The following CMSS1 variants were observed in gnomAD, a reference collection of about 807,000 sequenced individuals.
The protein encoded by CMSS1 is cms1 ribosomal small subunit homolog, also known as protein CMSS1.
CMSS1 carries 33 observed loss-of-function variants against 43.5 expected under a neutral mutation model. That is an observed-to-expected ratio of 0.76 (90% confidence interval 0.57 to 1.01). CMSS1 has a LOEUF of 1.01. CMSS1 is among the 50% of genes least tolerant of loss of function. The probability of loss-of-function intolerance (pLI) is 0.00; values close to 1 mark genes in which losing one functional copy is unlikely to be tolerated. For missense variants in CMSS1, 313 were observed against 326.4 expected (o/e 0.96, Z 0.32); for synonymous variants, 115 against 117.2 (o/e 0.98, Z 0.12).
intron 1 of CMSS1, among the ~76,000 whole-genome samples, chr3:100,038,045 C>T (rs2065140989): frequency 6.6e-6 from 1 of 151,048 alleles, no homozygotes; most frequent in Non-Finnish European, 1.5e-5. Context: ...ACCTCTGCCT[C>T]CTGGGTTCAA....
At chr3:100,069,533 C>G (rs1442529938) in intron 1 of CMSS1, among the ~76,000 whole-genome samples, 1 of 152,144 alleles carries the variant, frequency 6.6e-6, no homozygotes, top group East Asian at 1.9e-4. Context: ...ATTTCTGATA[C>G]GGCAGCCAAT....
At chr3:99,825,142 C>T (rs1485790346) in intron 1 of CMSS1, among the ~76,000 whole-genome samples, 2 of 152,148 alleles carry the variant, frequency 1.3e-5, no homozygotes, top group African/African-American at 4.8e-5. Flanking sequence ...AAAATTCAGA[C>T]TTGGAATATT....
chr3:100,081,618 A>C (rs530253810), intron 1 of CMSS1, among the ~76,000 whole-genome samples: 31 of 152,360 alleles, frequency 2.0e-4, no homozygotes, highest in African/African-American at 7.5e-4. Context: ...TGAAGTCTGC[A>C]TGCCAGTATA....
intron 1 of CMSS1, among the ~76,000 whole-genome samples, chr3:100,117,732 T>C (rs1009534222): frequency 1.3e-5 from 2 of 149,022 alleles, no homozygotes; most frequent in East Asian, 2.0e-4. Flanking sequence ...TTTGGATAAA[T>C]TGGGTAAAAC....
At chr3:99,875,396 C>G (rs2107592689) in intron 1 of CMSS1, among the ~76,000 whole-genome samples, 1 of 152,242 alleles carries the variant, frequency 6.6e-6, no homozygotes, top group South Asian at 2.1e-4. Flanking sequence ...AAATATTACT[C>G]TAGAAATGAT....
intron 1 of CMSS1, among the ~76,000 whole-genome samples, chr3:99,980,628 A>C (rs1709093662): frequency 6.6e-6 from 1 of 152,220 alleles, no homozygotes; most frequent in Admixed American, 6.5e-5. Flanking sequence ...CAGAATTGTG[A>C]ATAAGGAATT....
At chr3:99,983,444 A>G (rs1194802745) in intron 1 of CMSS1, among the ~76,000 whole-genome samples, 4 of 30,022 alleles carry the variant, frequency 1.3e-4, no homozygotes, top group African/African-American at 4.0e-4. Flanking sequence ...ATATATATGT[A>G]TGTATATATA....
At position 100,160,474 on chromosome 3, in the gene CMSS1, T is replaced by A. The variant is rs143731542; in HGVS notation, c.198T>A (p.Asn66Lys). The change falls in exon 3 of 10, where the codon AAT becomes AAA. Residue 66 changes from asparagine to lysine, a missense_variant. Physicochemically the swap from Asn to Lys is moderately conservative, Grantham distance 94 (BLOSUM62 0). Transcript: ENST00000421999. The part of the protein sequence containing the change: ...FLIQPKERKE[N>K]TTKTRKRRKK... ...TACAACCAAAGGAAAGAAAAGAGAA[T>A]ACCACCAAGACCAGGAAAAGAAGAA... 4.6e-6 allele frequency: 7 copies of A among 1,515,346 alleles called. No homozygotes were observed. In the Admixed American group the frequency reaches 1.0e-4, roughly 22 times the overall value. The allele number at this position is 1,515,346 out of a possible 1,614,324, so 93.9% of individuals were successfully genotyped here.
At chr3:100,088,815 A>G (rs1377691344) in intron 1 of CMSS1, among the ~76,000 whole-genome samples, 1 of 152,082 alleles carries the variant, frequency 6.6e-6, no homozygotes, top group Non-Finnish European at 1.5e-5. Context: ...AATTCACTAC[A>G]ATATGAAACC....
At chr3:99,916,209 T>C (rs1227908847) in intron 1 of CMSS1, among the ~76,000 whole-genome samples, 1 of 152,190 alleles carries the variant, frequency 6.6e-6, no homozygotes, top group Non-Finnish European at 1.5e-5. Context: ...GAAGGCAGGT[T>C]GAATTAACTG....
intron 1 of CMSS1, among the ~76,000 whole-genome samples, chr3:100,043,165 A>C (rs1225829515): frequency 1.3e-5 from 2 of 152,192 alleles, no homozygotes; most frequent in African/African-American, 4.8e-5. Flanking sequence ...CCAGTCCTCA[A>C]AGCTCAGAGA....
At chr3:100,133,598 A>G (rs2066727677) in intron 1 of CMSS1, among the ~76,000 whole-genome samples, 1 of 152,226 alleles carries the variant, frequency 6.6e-6, no homozygotes, top group Non-Finnish European at 1.5e-5. Context: ...GATAAACCAA[A>G]TCTTATTTTA....
At chr3:100,047,367 T>C (rs2065294356) in intron 1 of CMSS1, among the ~76,000 whole-genome samples, 1 of 152,380 alleles carries the variant, frequency 6.6e-6, no homozygotes, top group African/African-American at 2.4e-5. Context: ...TTAAGCTTCA[T>C]GCATTTAAAA....
intron 1 of CMSS1, among the ~76,000 whole-genome samples, chr3:100,122,801 C>A (rs559281138): frequency 2.0e-5 from 3 of 152,198 alleles, no homozygotes; most frequent in African/African-American, 7.2e-5. Context: ...TCAGGGTGGT[C>A]CTGGTTAAAA....
intron 1 of CMSS1, among the ~76,000 whole-genome samples, chr3:99,827,601 A>G (rs1360410114): frequency 1.3e-5 from 2 of 151,984 alleles, no homozygotes; most frequent in Admixed American, 6.6e-5. Flanking sequence ...TTTCTACGCA[A>G]ATTTTTTCTT....
In CMSS1 at chr3:100,157,810, G is replaced by A. The variant is rs115742834; in HGVS notation, c.154-2620G>A. 7.3e-3 allele frequency among the ~76,000 whole-genome samples: 1,108 copies of A among 152,314 alleles called. 7 individuals are homozygous for A. Among genetic ancestry groups the A allele is most frequent in the Non-Finnish European group, 0.013 (857 of 68,022 alleles). On this transcript the variant is annotated intron_variant, in intron 2 of 9. Transcript: ENST00000421999. ...TAGTTGCTTGGCTACCAGGGTAGGA[G>A]ATATCACCTAGTGGGGGACAGGAGT...
In CMSS1 at chr3:99,849,215, C is replaced by T. The variant is rs754793138; in HGVS notation, c.64+31172C>T. ...TCATATAACTGACCATTGATGACTG[C>T]ACGTTCCAGAGGAATGAGGCTCTTG... On this transcript the variant is annotated intron_variant, in intron 1 of 9. Coordinates refer to ENST00000421999, the MANE Select transcript of CMSS1 (RefSeq NM_032359.4). 164 of 1,614,014 alleles carry T rather than the reference C, an allele frequency of 1.0e-4. No homozygotes were observed. The highest frequency in any genetic ancestry group is 1.4e-4 in the Non-Finnish European group (161 of 1,180,002).
At chr3:99,916,371 A>G (rs1215101853) in intron 1 of CMSS1, among the ~76,000 whole-genome samples, 1 of 151,868 alleles carries the variant, frequency 6.6e-6, no homozygotes, top group Non-Finnish European at 1.5e-5. Context: ...CAGTTTGAAG[A>G]CAGCAGCTCA....
chr3:100,174,352 C>T (rs1345668553), intron 8 of CMSS1, among the ~76,000 whole-genome samples: 1 of 151,906 alleles, frequency 6.6e-6, no homozygotes, highest in African/African-American at 2.4e-5. Context: ...TGTGTGTCAC[C>T]AGACTTCCCC....
Sources: allele counts gnomAD v4.1 joint callset (sites outside exome capture counted in the v4.1 genomes callset), GRCh38; gene constraint gnomAD v4.1.1; transcripts MANE v1.5; gene names NCBI Gene and HGNC (gene_info 2026-07-23, HGNC 2026-07-21).